The following PTGFRN variants were observed in gnomAD, a reference collection of about 807,000 sequenced individuals.
The protein encoded by PTGFRN is prostaglandin F2 receptor negative regulator.
PTGFRN carries 35 observed loss-of-function variants against 83.2 expected under a neutral mutation model. The ratio of observed to expected loss-of-function variants is 0.42; its 90% CI spans 0.32 to 0.56. The LOEUF (loss-of-function observed/expected upper bound fraction) is 0.56, where lower values mean the gene tolerates loss of function less well. Ranked by LOEUF, PTGFRN falls within the 20% of genes least tolerant of loss-of-function variation. PTGFRN has a pLI of 0.11. For synonymous variants in PTGFRN, 519 were observed against 498.6 expected (o/e 1.04, Z -0.55); for missense variants, 1,051 against 1,179.5 (o/e 0.89, Z 1.60).
In PTGFRN at chr1:116,987,149, A is replaced by G. The variant is rs539214006; in HGVS notation, c.*182A>G. The G allele has an allele frequency of 1.1e-4, 71 of 628,548 alleles. No individual in the cohort carries two copies. Among genetic ancestry groups the G allele is most frequent in the Non-Finnish European group, 1.7e-4 (65 of 373,062 alleles). The allele number at this position is 628,548 out of a possible 1,614,324, so 38.9% of individuals were successfully genotyped here. On this transcript the variant is annotated 3_prime_UTR_variant, in exon 9 of 9. Coordinates refer to ENST00000393203, the MANE Select transcript of PTGFRN (RefSeq NM_020440.4). ...TGAGCGCGGACATGTTTACCAGCACACGGCTCTTCTTCCCACGGCACTTTC... is the reference window on the plus strand; with the variant it reads ...TGAGCGCGGACATGTTTACCAGCACGCGGCTCTTCTTCCCACGGCACTTTC...
At chr1:116,959,905 G>A (rs1650599810) in intron 4 of PTGFRN, among the ~76,000 whole-genome samples, 3 of 152,206 alleles carry the variant, frequency 2.0e-5, no homozygotes, top group Admixed American at 2.0e-4. Context: ...GAACCTGGGA[G>A]GCAGTTGCAG....
At chr1:116,976,296 T>C (rs1171833833) in intron 7 of PTGFRN, among the ~76,000 whole-genome samples, 5 of 152,164 alleles carry the variant, frequency 3.3e-5, no homozygotes, top group African/African-American at 9.7e-5. Context: ...TGGAAAACAC[T>C]CTGCAGGATA....
At chr1:116,955,245 G>A (rs1650454347) in intron 4 of PTGFRN, among the ~76,000 whole-genome samples, 1 of 152,214 alleles carries the variant, frequency 6.6e-6, no homozygotes, top group Admixed American at 6.5e-5. Context: ...TCCAGATTAG[G>A]GAGCAGATCC....
intron 1 of PTGFRN, among the ~76,000 whole-genome samples, chr1:116,916,596 A>G (rs1649412494): frequency 6.6e-6 from 1 of 152,142 alleles, no homozygotes; most frequent in Non-Finnish European, 1.5e-5. Flanking sequence ...CTGCCTCTAA[A>G]TCCAAAGGCC....
At chr1:116,949,055 G>A (rs1414365680) in intron 3 of PTGFRN, 137 bp from the exon 4 acceptor site, 2 of 1,027,086 alleles carry the variant, frequency 1.9e-6, no homozygotes, top group East Asian at 5.2e-5. Flanking sequence ...TATTTCTCAA[G>A]CACTTACAAC....
chr1:116,941,644 A>T lies in PTGFRN; in HGVS notation c.50-71A>T. ...CATGCCTGTGAGCAGGAGCATCCAC[A>T]GGTTTGCCACATTTGTCCTGGGAAG... On this transcript the variant is annotated intron_variant, in intron 1 of 8. Transcript: ENST00000393203. The surrounding 1 kb of genome is among the most constrained non-coding windows in gnomAD (Gnocchi z 5.0). 6.5e-7 allele frequency: 1 copy of T among 1,529,650 alleles called. No individual in the cohort carries two copies. Among genetic ancestry groups the T allele is most frequent in the Non-Finnish European group, 8.8e-7 (1 of 1,142,326 alleles). The allele number at this position is 1,529,650 out of a possible 1,614,324, so 94.8% of individuals were successfully genotyped here. A position where few individuals can be genotyped will look rare whatever the true frequency, so the allele number is the denominator to read the frequency against.
chr1:116,945,050 G>A lies in PTGFRN; in HGVS notation c.790G>A (p.Glu264Lys), dbSNP rs1247879689. 4 of 1,613,618 alleles carry A rather than the reference G, an allele frequency of 2.5e-6. No individual in the cohort carries two copies. The South Asian group carries it at 3.3e-5, about 13-fold the overall frequency. ...GCAGGGCAACTGGCAGGAAATCCAAGAAAAGGCCGTGGAAGTTGCCACCGT... is the reference window on the plus strand; with the variant it reads ...GCAGGGCAACTGGCAGGAAATCCAAAAAAAGGCCGTGGAAGTTGCCACCGT... Reference protein sequence around the residue: ...AEQGNWQEIQEKAVEVATVVI... With the variant: ...AEQGNWQEIQKKAVEVATVVI... Residue 264 changes from glutamate (E) to lysine (K), a missense_variant, in exon 3 of 9, where the codon GAA becomes AAA. By Grantham distance (56) the Glu-to-Lys change is moderately conservative. Transcript: ENST00000393203.
Position 116,988,611 on chromosome 1 carries a change from C to T in PTGFRN, c.*1644C>T, listed in dbSNP as rs79753626. The T allele has an allele frequency of 2.9e-3, 438 of 152,938 alleles. 3 individuals carry two copies. Among genetic ancestry groups the T allele is most frequent in the Non-Finnish European group, 4.3e-3 (291 of 68,134 alleles). The allele number at this position is 152,938 out of a possible 1,614,324, so 9.5% of individuals were successfully genotyped here. The stretch of plus-strand genomic sequence containing the variant: ...AAACTAATACAAAATGATGGCCATT[C>T]ATGTGCAGCTCTTTGTCACCATGGG... On this transcript the variant is annotated 3_prime_UTR_variant, in exon 9 of 9. Transcript: ENST00000393203.
intron 1 of PTGFRN, among the ~76,000 whole-genome samples, chr1:116,924,911 G>A (rs1167442975): frequency 1.3e-5 from 2 of 152,170 alleles, no homozygotes; most frequent in Non-Finnish European, 2.9e-5. Context: ...AGTCTCACAG[G>A]GAGGCTGACA....
intron 1 of PTGFRN, among the ~76,000 whole-genome samples, chr1:116,912,228 A>G (rs1225544415): frequency 6.6e-6 from 1 of 152,196 alleles, no homozygotes; most frequent in Non-Finnish European, 1.5e-5. Flanking sequence ...CCTATGAATT[A>G]CACAGGGAAT....
intron 7 of PTGFRN, among the ~76,000 whole-genome samples, chr1:116,980,651 A>G (rs1370727101): frequency 6.6e-6 from 1 of 152,252 alleles, no homozygotes; most frequent in Non-Finnish European, 1.5e-5. Context: ...TGGGAATTGA[A>G]CAATGAGAAC....
chr1:116,916,034 C>T (rs543359593), intron 1 of PTGFRN, among the ~76,000 whole-genome samples: 1 of 152,304 alleles, frequency 6.6e-6, no homozygotes, highest in South Asian at 2.1e-4. Context: ...TTAACACTGT[C>T]GTGTCCCAGC....
chr1:116,970,344 G>A (rs1414059622), intron 6 of PTGFRN, among the ~76,000 whole-genome samples: 1 of 152,048 alleles, frequency 6.6e-6, no homozygotes, highest in Non-Finnish European at 1.5e-5. Context: ...TTTTGTCATG[G>A]AAAGGTGTTG....
intron 7 of PTGFRN, among the ~76,000 whole-genome samples, chr1:116,976,255 C>T (rs2101086818): frequency 6.6e-6 from 1 of 152,228 alleles, no homozygotes; most frequent in East Asian, 1.9e-4. Flanking sequence ...GATTGGTGTA[C>T]CTGAAAGTGA....
In PTGFRN at chr1:116,941,758, G is replaced by A. The variant is rs769656591; in HGVS notation, c.93G>A (p.Leu31=). ...TGGTGAGAGTCCCCACAGCGACCCT[G>A]GTTCGAGTGGTGGGCACTGAGCTGG... ...GRVVRVPTAT[L]VRVVGTELVI... The change falls in exon 2 of 9, where the codon CTG becomes CTA. Residue 31 remains leucine, a synonymous_variant. Coordinates refer to ENST00000393203, the MANE Select transcript of PTGFRN (RefSeq NM_020440.4). This position sits in a 1 kb window ranked among gnomAD's most constrained non-coding sequence, Gnocchi z 5.0. 5 of 1,614,026 alleles carry A rather than the reference G, an allele frequency of 3.1e-6. No individual in the cohort carries two copies. Among genetic ancestry groups the A allele is most frequent in the Non-Finnish European group, 4.2e-6 (5 of 1,180,028 alleles).
At chr1:116,940,362 C>G (rs1245252269) in intron 1 of PTGFRN, among the ~76,000 whole-genome samples, 2 of 152,302 alleles carry the variant, frequency 1.3e-5, no homozygotes, top group East Asian at 3.9e-4. Context: ...GCCTTATCTT[C>G]ATGTGGCTTT....
intron 2 of PTGFRN, among the ~76,000 whole-genome samples, chr1:116,943,067 G>A (rs953671659): frequency 2.6e-5 from 4 of 152,014 alleles, no homozygotes; most frequent in African/African-American, 9.7e-5. Flanking sequence ...TTTATGTCTG[G>A]GTCAGAATGT....
At chr1:116,929,242 A>G (rs1649733773) in intron 1 of PTGFRN, among the ~76,000 whole-genome samples, 2 of 152,210 alleles carry the variant, frequency 1.3e-5, no homozygotes, top group Non-Finnish European at 2.9e-5. Flanking sequence ...ACACAAGTTA[A>G]GTCCTGAATC....
rs573345295 is a variant in PTGFRN at position 116,938,439 on chromosome 1, G to A, written c.50-3276G>A. 4.3e-4 allele frequency among the ~76,000 whole-genome samples: 65 copies of A among 152,304 alleles called. No individual in the cohort carries two copies. In the South Asian group the frequency reaches 8.1e-3, roughly 19 times the overall value. ...GCAAGTGACATCTTATGTGGATGGC[G>A]GCAGGCAAAGAGAAGAGCGCTTGTG... is the stretch of plus-strand genomic sequence containing the variant. On this transcript the variant is annotated intron_variant, in intron 1 of 8. Coordinates refer to ENST00000393203, the MANE Select transcript of PTGFRN (RefSeq NM_020440.4).
Sources: allele counts gnomAD v4.1 joint callset (sites outside exome capture counted in the v4.1 genomes callset), GRCh38; gene constraint gnomAD v4.1.1; non-coding constraint Gnocchi (gnomAD v3.1); transcripts MANE v1.5; gene names NCBI Gene and HGNC (gene_info 2026-07-23, HGNC 2026-07-21).